NUP93: variants seen among roughly 807,000 people sequenced by gnomAD.
NUP93 encodes nucleoporin 93.
Under a neutral mutation model 107.8 loss-of-function variants are expected in NUP93, and 55 were observed. The ratio of observed to expected loss-of-function variants is 0.51; its 90% CI spans 0.41 to 0.64. The LOEUF is 0.64. Among genes scored for constraint, NUP93 ranks in the 30% least tolerant of loss-of-function variants. NUP93 has a pLI of 0.00. For synonymous variants in NUP93, 390 were observed against 397.5 expected (o/e 0.98, Z 0.22); for missense variants, 937 against 1,044.7 (o/e 0.90, Z 1.42).
At chr16:56,755,097 C>T (rs1596772763) in intron 2 of NUP93, among the ~76,000 whole-genome samples, 1 of 152,086 alleles carries the variant, frequency 6.6e-6, no homozygotes, top group African/African-American at 2.4e-5. Flanking sequence ...AAAGATTAAG[C>T]ATAGGGTTAT....
chr16:56,755,879 A>C (rs1435934085), intron 2 of NUP93, among the ~76,000 whole-genome samples: 4 of 152,192 alleles, frequency 2.6e-5, no homozygotes, highest in African/African-American at 9.7e-5. Flanking sequence ...TCTCAAAATA[A>C]ATAAGTAAAT....
At chr16:56,841,429 A>T (rs1034073871) in intron 20 of NUP93, among the ~76,000 whole-genome samples, 1 of 152,244 alleles carries the variant, frequency 6.6e-6, no homozygotes, top group African/African-American at 2.4e-5. Context: ...ACCAGATGTC[A>T]GCATGCTTTT....
chr16:56,753,612 C>T (rs1349086039), intron 2 of NUP93, among the ~76,000 whole-genome samples: 1 of 151,998 alleles, frequency 6.6e-6, no homozygotes, highest in Non-Finnish European at 1.5e-5. Context: ...TTCATATGCA[C>T]TTTTTTTTCT....
intron 4 of NUP93, among the ~76,000 whole-genome samples, chr16:56,803,636 A>G (rs1963068732): frequency 6.6e-6 from 1 of 152,152 alleles, no homozygotes. Flanking sequence ...ATATTAATAA[A>G]CACATGGAAA....
chr16:56,737,937 A>AAGAGCC (rs139228815), intron 1 of NUP93, among the ~76,000 whole-genome samples: 2 of 152,242 alleles, frequency 1.3e-5, no homozygotes, highest in Non-Finnish European at 2.9e-5. Flanking sequence ...GTTTAGAGAG[A>AAGAGCC]AGAGCCAGAG....
Position 56,849,225 on chromosome 16 carries a change from TCAGGG to T in NUP93, c.*4618_*4622del, listed in dbSNP as rs1964149883. 2 of 152,234 alleles carry T rather than the reference TCAGGG, an allele frequency of 1.3e-5. No individual in the cohort carries two copies. Among genetic ancestry groups the T allele is most frequent in the South Asian group, 4.1e-4 (2 of 4,832 alleles). 9.4% of individuals were successfully genotyped at this position (152,234 alleles called of 1,614,324 possible). ...AATGTCTCCCAGGATCAAATGAGAC[TCAGGG>T]CTGTTCCTTCAAAGACAGAAACTTG... On this transcript the variant is annotated 3_prime_UTR_variant, in exon 22 of 22. Transcript: ENST00000308159.
chr16:56,827,745 G>A (rs1963697956), intron 8 of NUP93, among the ~76,000 whole-genome samples: 1 of 152,228 alleles, frequency 6.6e-6, no homozygotes, highest in Admixed American at 6.5e-5. Flanking sequence ...ATGGTGGCAT[G>A]TACCTCTAGC....
intron 1 of NUP93, among the ~76,000 whole-genome samples, chr16:56,738,248 T>A (rs1961644174): frequency 6.6e-6 from 1 of 152,216 alleles, no homozygotes; most frequent in Non-Finnish European, 1.5e-5. Flanking sequence ...CAAGCTGTAG[T>A]CCACAGCACT....
chr16:56,830,106 G>C (rs1471593598), intron 9 of NUP93, among the ~76,000 whole-genome samples: 2 of 152,200 alleles, frequency 1.3e-5, no homozygotes, highest in Non-Finnish European at 2.9e-5. Flanking sequence ...AAACTTGAGT[G>C]CTATAAGGAT....
intron 5 of NUP93, among the ~76,000 whole-genome samples, chr16:56,817,687 C>T (rs1963461356): frequency 6.6e-6 from 1 of 152,146 alleles, no homozygotes; most frequent in Non-Finnish European, 1.5e-5. Context: ...TCATACATTG[C>T]ATATGTGATG....
In NUP93 at chr16:56,828,984, A is replaced by T. The variant is rs766805453; in HGVS notation, c.802A>T (p.Asn268Tyr). The change falls in exon 9 of 22, where the codon AAT becomes TAT. Residue 268 changes from asparagine (N) to tyrosine (Y), a missense_variant. Transcript: ENST00000308159. ...CCTTTAAAATTTTTCCAGTTATAAGAATTACACCCTTGTGACTGTCTTTGG... is the reference window on the plus strand; with the variant it reads ...CCTTTAAAATTTTTCCAGTTATAAGTATTACACCCTTGTGACTGTCTTTGG... ...ALAYLEQSYK[N>Y]YTLVTVFGNL... The T allele has an allele frequency of 6.2e-7, 1 of 1,613,344 alleles. No individual in the cohort carries two copies. Among genetic ancestry groups the T allele is most frequent in the Non-Finnish European group, 8.5e-7 (1 of 1,179,812 alleles).
intron 3 of NUP93, among the ~76,000 whole-genome samples, chr16:56,791,559 A>G (rs1171443779): frequency 6.6e-6 from 1 of 152,188 alleles, no homozygotes; most frequent in Non-Finnish European, 1.5e-5. Flanking sequence ...CCCTTTTTCT[A>G]CAGTAGGAAT....
chr16:56,764,471 CAG>C (rs1962183455), intron 3 of NUP93, among the ~76,000 whole-genome samples: 1 of 152,138 alleles, frequency 6.6e-6, no homozygotes, highest in Non-Finnish European at 1.5e-5. Flanking sequence ...GCCTGGCTGA[CAG>C]AGAGAGACTC....
chr16:56,832,430 CT>C (rs780817451), intron 12 of NUP93, 42 bp downstream of exon 12: 2 of 1,470,440 alleles, frequency 1.4e-6, no homozygotes, highest in East Asian at 4.5e-5. Context: ...CTCTTGTCCA[CT>C]TAAGGTGACT....
intron 10 of NUP93, chr16:56,831,552 A>G: frequency 6.8e-6 from 2 of 293,436 alleles, no homozygotes; most frequent in South Asian, 9.1e-5. Context: ...TCACTGCTTG[A>G]GTGCTGCTGG....
chr16:56,782,759 A>G (rs187585721), intron 3 of NUP93: 1 of 152,202 alleles, frequency 6.6e-6, no homozygotes, highest in East Asian at 1.9e-4. Context: ...ACTATTAGAG[A>G]TTTTTTTGAA....
At chr16:56,797,964 A>G (rs1400470658) in intron 3 of NUP93, among the ~76,000 whole-genome samples, 4 of 152,244 alleles carry the variant, frequency 2.6e-5, no homozygotes, top group African/African-American at 9.6e-5. Flanking sequence ...GAGAGTGCAC[A>G]TGGCAAAACG....
At chr16:56,797,425 C>T (rs1254673454) in intron 3 of NUP93, among the ~76,000 whole-genome samples, 1 of 152,180 alleles carries the variant, frequency 6.6e-6, no homozygotes, top group Non-Finnish European at 1.5e-5. Context: ...CAGCCCCCCA[C>T]CAGCCCAAGC....
rs756316012 is a variant in NUP93, at chr16:56,841,742, T to C, written c.2258T>C (p.Met753Thr). ...CTCTCAGAAGTGCTTCTTGCCACCA[T>C]GAACATCTTGTTCACACAGTTTAAG... ...HNLSEVLLATMNILFTQFKRL... is the reference protein window; with the variant it reads ...HNLSEVLLATTNILFTQFKRL... Residue 753 changes from methionine to threonine, a missense_variant, in exon 21 of 22, where the codon ATG becomes ACG. Transcript: ENST00000308159. The C allele has an allele frequency of 1.2e-6, 2 of 1,614,220 alleles. No individual in the cohort carries two copies. The highest frequency in any genetic ancestry group is 1.7e-6 in the Non-Finnish European group (2 of 1,180,016).
Sources: gnomAD v4.1 joint callset for allele counts (sites outside exome capture counted in the v4.1 genomes callset) on GRCh38, gnomAD v4.1.1 for gene constraint, MANE v1.5 for transcripts, NCBI Gene and HGNC (gene_info 2026-07-23, HGNC 2026-07-21) for gene names.